Variants in SNRPB2 observed in about 807,000 individuals in gnomAD.
The protein encoded by SNRPB2 is U2 small nuclear ribonucleoprotein B''.
A neutral mutation model predicts 26.3 loss-of-function variants in SNRPB2; 16 were observed. That is an observed-to-expected ratio of 0.61 (90% CI 0.41 to 0.92). The LOEUF is 0.92. SNRPB2 is among the 40% of genes least tolerant of loss of function. The pLI, the probability that SNRPB2 is intolerant of heterozygous loss-of-function variation, is 0.00. For synonymous variants in SNRPB2, 75 were observed against 89.0 expected (o/e 0.84, Z 0.88); for missense variants, 179 against 268.1 (o/e 0.67, Z 2.32).
In SNRPB2 at chr20:16,737,280, C is replaced by CTGTATTTG; in HGVS notation, c.257_258insTGTATTTG (p.Asp87ValfsTer7). 6.3e-7 allele frequency: 1 copy of CTGTATTTG among 1,591,424 alleles called. No individual in the cohort carries two copies. The highest frequency in any genetic ancestry group is 8.5e-7 in the Non-Finnish European group (1 of 1,173,244). Reference sequence around the variant, plus strand: ...AAACAGCGAATACAGTATGCAAAAACAGATTCGGATATAATATCAAAAATG... The same window carrying CTGTATTTG: ...AAACAGCGAATACAGTATGCAAAAACTGTATTTGAGATTCGGATATAATATCAAAAATG... On this transcript the variant is annotated frameshift_variant, in exon 4 of 7. Coordinates refer to ENST00000246071, the MANE Select transcript of SNRPB2 (RefSeq NM_003092.5). LOFTEE classifies it high-confidence loss of function.
chr20:16,739,880 CT>C (rs1354916902), intron 5 of SNRPB2, among the ~76,000 whole-genome samples: 1 of 146,304 alleles, frequency 6.8e-6, no homozygotes, highest in African/African-American at 2.5e-5. Context: ...AGCAGTGGTT[CT>C]CGGTGGTAAT....
At position 16,740,426 on chromosome 20, in the gene SNRPB2, A is replaced by G. The variant is rs772533479; in HGVS notation, c.518+13A>G. On this transcript the variant is annotated intron_variant, in intron 6 of 6. Coordinates refer to ENST00000246071, the MANE Select transcript of SNRPB2 (RefSeq NM_003092.5). ...TGCTGTTTAATCAGTAAGTTTTTTC[A>G]TAAATAAGTCTGTTTCTGAGAGCTT... 4 of 1,609,730 alleles carry G rather than the reference A, an allele frequency of 2.5e-6. No homozygotes were observed. Among genetic ancestry groups the G allele is most frequent in the Admixed American group, 1.7e-5 (1 of 59,610 alleles).
At chr20:16,736,330 TG>T (rs1439205934) in intron 3 of SNRPB2, among the ~76,000 whole-genome samples, 1 of 151,934 alleles carries the variant, frequency 6.6e-6, no homozygotes, top group Non-Finnish European at 1.5e-5. Flanking sequence ...AGGGGAAGCA[TG>T]AGGGGATTTT....
At chr20:16,735,200 G>A (rs1361695213) in intron 3 of SNRPB2, among the ~76,000 whole-genome samples, 1 of 151,466 alleles carries the variant, frequency 6.6e-6, no homozygotes, top group African/African-American at 2.4e-5. Flanking sequence ...TCTTTGCTTT[G>A]TAATCCACAC....
intron 4 of SNRPB2, among the ~76,000 whole-genome samples, chr20:16,738,340 G>T (rs2072441375): frequency 1.3e-5 from 2 of 151,476 alleles, no homozygotes; most frequent in Admixed American, 6.6e-5. Context: ...TACTCAGGAG[G>T]CTTGAAGCAG....
At chr20:16,740,082 C>T (rs1821179398) in intron 5 of SNRPB2, among the ~76,000 whole-genome samples, 1 of 151,824 alleles carries the variant, frequency 6.6e-6, no homozygotes, top group South Asian at 2.1e-4. Flanking sequence ...TCACGACTCA[C>T]CTCCAGAAGC....
At chr20:16,737,539 A>G (rs1020850457) in intron 4 of SNRPB2, 138 bp downstream of exon 4, 16 of 655,398 alleles carry the variant, frequency 2.4e-5, no homozygotes, top group South Asian at 4.1e-5. Context: ...TTAAGAAGCT[A>G]GAATGGTTGA....
chr20:16,740,736 A>G (rs777675465), intron 6 of SNRPB2, 110 bp from the exon 7 acceptor site: 19 of 819,406 alleles, frequency 2.3e-5, no homozygotes, highest in Non-Finnish European at 3.6e-5. Context: ...TCTTGGTTAG[A>G]GTATGGTTAT....
intron 3 of SNRPB2, among the ~76,000 whole-genome samples, chr20:16,737,053 A>C (rs193292096): frequency 1.3e-3 from 205 of 152,284 alleles, no homozygotes; most frequent in Non-Finnish European, 2.4e-3. Flanking sequence ...TAATCTAATA[A>C]ACACACTTGA....
chr20:16,735,013 G>A (rs1461992063), intron 3 of SNRPB2, among the ~76,000 whole-genome samples: 2 of 152,170 alleles, frequency 1.3e-5, no homozygotes, highest in African/African-American at 4.8e-5. Flanking sequence ...TAGCAGAGTT[G>A]CATGCAGGGA....
chr20:16,737,033 T>C (rs981486648), intron 3 of SNRPB2, among the ~76,000 whole-genome samples: 8 of 152,340 alleles, frequency 5.3e-5, no homozygotes, highest in East Asian at 3.9e-4. Flanking sequence ...CATGAAAATA[T>C]ATGTTTTTTT....
In SNRPB2 at chr20:16,732,352, T is replaced by G. The variant is rs369451519; in HGVS notation, c.237+16T>G. On this transcript the variant is annotated intron_variant, in intron 3 of 6. Transcript: ENST00000246071. ...TAAACCAATGGTAAGCCAATTCCAT[T>G]ATTTCACTTTAATCAAGAAATTAAT... is the stretch of plus-strand genomic sequence containing the variant. The G allele has an allele frequency of 1.4e-6, 2 of 1,407,482 alleles. No homozygotes were observed. Among genetic ancestry groups the G allele is most frequent in the Non-Finnish European group, 1.9e-6 (2 of 1,025,742 alleles). The allele number at this position is 1,407,482 out of a possible 1,614,324, so 87.2% of individuals were successfully genotyped here.
chr20:16,740,555 G>A, intron 6 of SNRPB2, 142 bp downstream of exon 6: 1 of 1,397,694 alleles, frequency 7.2e-7, no homozygotes, highest in Non-Finnish European at 9.4e-7. Flanking sequence ...ATGAATTGGA[G>A]CCAATTTGCC....
intron 3 of SNRPB2, among the ~76,000 whole-genome samples, chr20:16,734,463 T>A (rs924252964): frequency 1.3e-5 from 2 of 152,232 alleles, no homozygotes; most frequent in African/African-American, 4.8e-5. Flanking sequence ...ATGCCAAAAG[T>A]ACCTTAATAA....
Position 16,732,334 on chromosome 20 carries a change from A to G in SNRPB2, c.235A>G (p.Met79Val), listed in dbSNP as rs139323338. Residue 79 changes from methionine to valine, a missense_variant and splice_region_variant, in exon 3 of 7, where the codon ATG becomes GTG. Transcript: ENST00000246071. ...AGGATTTCCATTTTATGGTAAACCAATGGTAAGCCAATTCCATTATTTCAC... is the reference window on the plus strand; with the variant it reads ...AGGATTTCCATTTTATGGTAAACCAGTGGTAAGCCAATTCCATTATTTCAC... ...LQGFPFYGKP[M>V]RIQYAKTDSD... is the part of the protein sequence containing the mutation. The G allele has an allele frequency of 3.9e-6, 6 of 1,523,754 alleles. No homozygotes were observed. The highest frequency in any genetic ancestry group is 2.1e-5 in the Admixed American group (1 of 46,902). The allele number at this position is 1,523,754 out of a possible 1,614,324, so 94.4% of individuals were successfully genotyped here. A position where few individuals can be genotyped will look rare whatever the true frequency, so the allele number is the denominator to read the frequency against.
rs1051179 is a variant in SNRPB2 at position 16,741,247 on chromosome 20, T to G, written c.*242T>G. 0.44 allele frequency: 142,361 copies of G among 320,578 alleles called. 34,096 individuals carry two copies. The highest frequency in any genetic ancestry group is 0.73 in the African/African-American group (34,241 of 47,004). The allele number at this position is 320,578 out of a possible 1,614,324, so 19.9% of individuals were successfully genotyped here. A position where few individuals can be genotyped will look rare whatever the true frequency, so the allele number is the denominator to read the frequency against. ...ATAATGCTTTCTTGATTGACCCATC[T>G]CCCTATCATCAAATGACTTCTAGTC... On this transcript the variant is annotated 3_prime_UTR_variant, in exon 7 of 7. Coordinates refer to ENST00000246071, the MANE Select transcript of SNRPB2 (RefSeq NM_003092.5).
At chr20:16,740,019 T>G (rs896136620) in intron 5 of SNRPB2, among the ~76,000 whole-genome samples, 3 of 151,860 alleles carry the variant, frequency 2.0e-5, no homozygotes, top group Non-Finnish European at 4.4e-5. Flanking sequence ...GCTGGCCATC[T>G]CTAATTTTAT....
chr20:16,732,410 C>A, intron 3 of SNRPB2, 74 bp downstream of exon 3: 1 of 794,648 alleles, frequency 1.3e-6, no homozygotes, highest in Admixed American at 2.7e-5. Context: ...TGTAAATATG[C>A]TTGAAACTGT....
chr20:16,731,550 C>T (rs976878478), intron 1 of SNRPB2, 118 bp from the exon 2 acceptor site: 11 of 1,009,450 alleles, frequency 1.1e-5, no homozygotes, highest in Non-Finnish European at 1.4e-5. Flanking sequence ...ATAAAGGCTA[C>T]AGCCAAACTG....
Sources: allele counts gnomAD v4.1 joint callset (sites outside exome capture counted in the v4.1 genomes callset), GRCh38; gene constraint gnomAD v4.1.1; transcripts MANE v1.5; gene names NCBI Gene and HGNC (gene_info 2026-07-23, HGNC 2026-07-21).